Variants in TSPAN10 observed in about 807,000 individuals in gnomAD.
TSPAN10 encodes tetraspanin-10.
In TSPAN10, 11 loss-of-function variants were observed where a neutral mutation model predicts 15.0. The ratio of observed to expected loss-of-function variants is 0.73; its 90% CI spans 0.46 to 1.21. TSPAN10 has a LOEUF of 1.21. Among genes scored for constraint, TSPAN10 ranks in the 50% most tolerant of loss-of-function variants. The pLI, the probability that TSPAN10 is intolerant of heterozygous loss-of-function variation, is 0.00. For missense variants in TSPAN10, 486 were observed against 470.6 expected, an observed-to-expected ratio of 1.03 and a Z score of -0.30; for synonymous variants, 241 against 226.2, an observed-to-expected ratio of 1.07 and a Z score of -0.59.
intron 2 of TSPAN10, 124 bp from the exon 4 acceptor site, chr17:81,647,777 C>T (rs753908254): frequency 2.0e-6 from 2 of 1,012,556 alleles, no homozygotes; most frequent in Admixed American, 4.4e-5. Context: ...GGCGTATGCA[C>T]GTGTGTGCAT....
chr17:81,639,653 G>A (rs531396973), upstream of TSPAN10, among the ~76,000 whole-genome samples: 7 of 149,494 alleles, frequency 4.7e-5, no homozygotes, highest in Non-Finnish European at 8.9e-5. Context: ...ATCCCAGCGC[G>A]GTGGCTCACG....
chr17:81,642,115 G>A (rs558753490), upstream of TSPAN10, among the ~76,000 whole-genome samples: 1 of 152,286 alleles, frequency 6.6e-6, no homozygotes, highest in African/African-American at 2.4e-5. Context: ...ACCCAAACAT[G>A]CCTGCCTGAG....
chr17:81,641,512 G>A (rs938598208), upstream of TSPAN10, among the ~76,000 whole-genome samples: 1 of 150,376 alleles, frequency 6.6e-6, no homozygotes, highest in African/African-American at 2.4e-5. Context: ...AAACTTGCCC[G>A]GTGTGCTCCC....
chr17:81,642,514 A>G, intron 1 of TSPAN10, 66 bp downstream of exon 2: 1 of 1,527,614 alleles, frequency 6.5e-7, no homozygotes, highest in Non-Finnish European at 8.9e-7. Flanking sequence ...TCCTAAGGGA[A>G]GTCCCTGGGC....
chr17:81,647,922 C>T (rs756611529), exon 3 of TSPAN10: 1 of 1,606,326 alleles, frequency 6.2e-7, no homozygotes, highest in Non-Finnish European at 8.5e-7. Flanking sequence ...GCAGCTCCCC[C>T]GGGGTGCAGG....
upstream of TSPAN10, chr17:81,642,300 T>A: frequency 7.6e-7 from 1 of 1,309,136 alleles, no homozygotes; most frequent in South Asian, 1.2e-5. Context: ...GGCTGCACTG[T>A]TCACAGACTA....
exon 2 of TSPAN10, chr17:81,645,274 T>G (rs1598710997): frequency 6.5e-7 from 1 of 1,530,668 alleles, no homozygotes; most frequent in Non-Finnish European, 8.7e-7. Flanking sequence ...TGTCAAGGGG[T>G]CTCTGGGAAG....
At chr17:81,641,956 C>T (rs184924768), upstream of TSPAN10, among the ~76,000 whole-genome samples, 1,490 of 152,218 alleles carry the variant, frequency 9.8e-3, 26 homozygotes, top group Non-Finnish European at 0.012. Flanking sequence ...GATAGATTGG[C>T]GCTGGGGCTG....
At position 81,647,766 on chromosome 17, in the gene TSPAN10, G is replaced by C. The variant is rs890386228; in HGVS notation, c.675-135G>C. 5.7e-6 allele frequency: 5 copies of C among 874,908 alleles called. 1 individual carries two copies. In the Admixed American group the frequency reaches 1.2e-4, roughly 20 times the overall value. The allele number at this position is 874,908 out of a possible 1,614,324, so 54.2% of individuals were successfully genotyped here. A position where few individuals can be genotyped will look rare whatever the true frequency, so the allele number is the denominator to read the frequency against. On this transcript the variant is annotated intron_variant, in intron 2 of 2. Transcript: ENST00000611590. ...TGTGTGCAGGTGTGTGCGAATAGGA[G>C]GGCGTATGCACGTGTGTGCATGTGC... is the stretch of plus-strand genomic sequence containing the variant.
At chr17:81,640,351 T>A (rs1183741506), upstream of TSPAN10, among the ~76,000 whole-genome samples, 2 of 152,214 alleles carry the variant, frequency 1.3e-5, no homozygotes, top group African/African-American at 2.4e-5. Flanking sequence ...ACCTCACATG[T>A]TTTTTCTTCT....
At chr17:81,645,203 C>A (rs760901010) in exon 2 of TSPAN10, 2 of 1,544,688 alleles carry the variant, frequency 1.3e-6, no homozygotes, top group Admixed American at 4.4e-5. Context: ...ATCTTCCTCT[C>A]CAACTTCCCC....
At position 81,648,221 on chromosome 17, in the gene TSPAN10, G is replaced by A. The variant is rs182303498; in HGVS notation, c.995G>A (p.Arg332His). ...GGGGCGGCGTACGGCCCCGGAGCGC[G>A]CGGGGAGGACCGCGCTGGCCCCCAG... Residue 332 changes from arginine (R) to histidine (H), a missense_variant, in exon 3 of 3, where the codon CGC becomes CAC. Physicochemically the swap from Arg to His is conservative, Grantham distance 29. Transcript: ENST00000611590. The A allele has an allele frequency of 1.7e-3, 2,185 of 1,291,268 alleles. 41 individuals carry two copies. In the African/African-American group the frequency reaches 0.031, roughly 18 times the overall value. 80.0% of individuals were successfully genotyped at this position (1,291,268 alleles called of 1,614,324 possible). A position where few individuals can be genotyped will look rare whatever the true frequency, so the allele number is the denominator to read the frequency against.
exon 2 of TSPAN10, chr17:81,645,160 C>G: frequency 6.4e-7 from 1 of 1,562,070 alleles, no homozygotes; most frequent in Non-Finnish European, 8.6e-7. Context: ...AGCCCCTTCC[C>G]TCTCCCCAGG....
chr17:81,648,418 C>T (rs186927596), downstream of TSPAN10: 1 of 934,150 alleles, frequency 1.1e-6, no homozygotes, highest in Non-Finnish European at 1.4e-6. Context: ...GTGACTTCGC[C>T]GCAGGACCTA....
intron 1 of TSPAN10, 115 bp downstream of exon 2, chr17:81,642,563 A>C: frequency 9.5e-7 from 1 of 1,047,864 alleles, no homozygotes; most frequent in Non-Finnish European, 1.4e-6. Context: ...GCCACCCCAC[A>C]CCTCAATGCT....
At chr17:81,642,589 G>A (rs560892067) in intron 1 of TSPAN10, 141 bp downstream of exon 2, 3 of 866,204 alleles carry the variant, frequency 3.5e-6, no homozygotes, top group African/African-American at 1.7e-5. Context: ...TGGGTTGAGG[G>A]GGGTGGTTCT....
chr17:81,644,050 C>A (rs992380788), intron 1 of TSPAN10, among the ~76,000 whole-genome samples: 6 of 148,828 alleles, frequency 4.0e-5, no homozygotes, highest in African/African-American at 1.5e-4. Flanking sequence ...GGTTTCTCCA[C>A]GTTGCTCAGG....
chr17:81,641,849 C>T (rs1418712726), upstream of TSPAN10, among the ~76,000 whole-genome samples: 1 of 151,276 alleles, frequency 6.6e-6, no homozygotes, highest in Non-Finnish European at 1.5e-5. Flanking sequence ...TGCACTCCAG[C>T]CTGGGCAACA....
At position 81,644,160 on chromosome 17, in the gene TSPAN10, T is replaced by G. The variant is rs186288591; in HGVS notation, c.37-832T>G. The stretch of plus-strand genomic sequence containing the variant: ...CACAACGTCCAGCCCGGCCATAGCT[T>G]CTTATTCTCCTTTTTAAAAAAACTC... On this transcript the variant is annotated intron_variant, in intron 1 of 2. Transcript: ENST00000611590. Among the ~76,000 whole-genome samples the G allele has an allele frequency of 6.6e-3, 1,000 of 151,874 alleles. 7 individuals are homozygous for G. Among genetic ancestry groups the G allele is most frequent in the East Asian group, 0.011 (55 of 5,148 alleles).
Sources: gnomAD v4.1 joint callset for allele counts (sites outside exome capture counted in the v4.1 genomes callset) on GRCh38, gnomAD v4.1.1 for gene constraint, MANE v1.5 for transcripts, NCBI Gene and HGNC (gene_info 2026-07-23, HGNC 2026-07-21) for gene names.